The following SCGN variants were observed in gnomAD, a reference collection of about 807,000 sequenced individuals.
SCGN encodes the protein secretagogin.
SCGN carries 30 observed loss-of-function variants against 39.7 expected under a neutral mutation model. That is an observed-to-expected ratio of 0.76 (90% CI 0.57 to 1.03). The LOEUF (loss-of-function observed/expected upper bound fraction) is 1.03. Ranked by LOEUF, SCGN falls within the 50% of genes least tolerant of loss-of-function variation. The pLI is 0.00. For synonymous variants in SCGN, 106 were observed against 114.1 expected (o/e 0.93, Z 0.45); for missense variants, 353 against 349.4 (o/e 1.01, Z -0.08).
At chr6:25,652,513 C>G (rs746789424) in intron 1 of SCGN, 28 bp downstream of exon 1, 2 of 1,602,958 alleles carry the variant, frequency 1.2e-6, no homozygotes, top group South Asian at 1.1e-5. Context: ...CTTGCACACT[C>G]AGGTGTAGAC....
At chr6:25,683,094 G>A (rs1759657873) in intron 7 of SCGN, among the ~76,000 whole-genome samples, 1 of 152,054 alleles carries the variant, frequency 6.6e-6, no homozygotes, top group South Asian at 2.1e-4. Context: ...ACTTTTTTTA[G>A]GACCTTCGTT....
At chr6:25,670,346 AG>A (rs1303734710) in intron 6 of SCGN, among the ~76,000 whole-genome samples, 8 of 152,268 alleles carry the variant, frequency 5.3e-5, no homozygotes, top group African/African-American at 1.9e-4. Flanking sequence ...TCTAAGCATC[AG>A]GCCAATAACC....
intron 10 of SCGN, among the ~76,000 whole-genome samples, chr6:25,693,446 C>A (rs1332076575): frequency 2.3e-5 from 2 of 85,912 alleles, no homozygotes; most frequent in African/African-American, 4.9e-5. Flanking sequence ...AGCGAGACTC[C>A]GTCTCAAAAA....
intron 2 of SCGN, among the ~76,000 whole-genome samples, chr6:25,656,607 C>G (rs942899952): frequency 8.5e-5 from 13 of 152,176 alleles, no homozygotes; most frequent in African/African-American, 2.9e-4. Context: ...TGTACCACAT[C>G]CTGGGCCTCT....
intron 4 of SCGN, among the ~76,000 whole-genome samples, chr6:25,666,809 T>G (rs1180333136): frequency 6.6e-6 from 1 of 152,202 alleles, no homozygotes; most frequent in Non-Finnish European, 1.5e-5. Flanking sequence ...ATTGGTTGTT[T>G]GTAAGTGGTA....
intron 7 of SCGN, among the ~76,000 whole-genome samples, chr6:25,682,743 C>T (rs1487750901): frequency 1.3e-5 from 2 of 152,204 alleles, no homozygotes; most frequent in Non-Finnish European, 2.9e-5. Flanking sequence ...AGCAGGGCAG[C>T]AGTTACAGGC....
At chr6:25,664,199 G>A (rs1218257053) in intron 3 of SCGN, among the ~76,000 whole-genome samples, 3 of 152,204 alleles carry the variant, frequency 2.0e-5, no homozygotes, top group African/African-American at 7.2e-5. Flanking sequence ...TCATACTTGA[G>A]TCAACTGTTG....
At chr6:25,658,002 CCTTTTTTTTTTTTTT>C (rs1760258052) in intron 2 of SCGN, among the ~76,000 whole-genome samples, 3 of 47,646 alleles carry the variant, frequency 6.3e-5, no homozygotes, top group African/African-American at 7.6e-5. Context: ...AGAAAGGTAT[CCTTTTTTTTTTTTTT>C]TTTTTTTTTT....
intron 2 of SCGN, among the ~76,000 whole-genome samples, chr6:25,658,923 T>A (rs185462346): frequency 6.6e-6 from 1 of 152,192 alleles, no homozygotes; most frequent in East Asian, 1.9e-4. Flanking sequence ...TCCCTATATA[T>A]CCAGTATCCA....
chr6:25,657,881 CTCTG>C (rs946793978), intron 2 of SCGN, among the ~76,000 whole-genome samples: 1 of 150,918 alleles, frequency 6.6e-6, no homozygotes, highest in African/African-American at 2.4e-5. Flanking sequence ...GTTAGACTTG[CTCTG>C]TCTTAGACAA....
intron 3 of SCGN, among the ~76,000 whole-genome samples, chr6:25,664,697 A>AT (rs1760397286): frequency 6.6e-6 from 1 of 152,200 alleles, no homozygotes; most frequent in South Asian, 2.1e-4. Flanking sequence ...ATTATTTTAG[A>AT]TTTTAAGCTC....
At chr6:25,667,056 A>G (rs890152968) in intron 4 of SCGN, among the ~76,000 whole-genome samples, 1 of 152,216 alleles carries the variant, frequency 6.6e-6, no homozygotes, top group Non-Finnish European at 1.5e-5. Context: ...TGAAACACAC[A>G]GAAACAATAA....
At position 25,652,467 on chromosome 6, in the gene SCGN, C is replaced by A. The variant is rs1760151981; in HGVS notation, c.64C>A (p.Gln22Lys). 1.2e-6 allele frequency: 2 copies of A among 1,613,896 alleles called. No homozygotes were observed. Among genetic ancestry groups the A allele is most frequent in the African/African-American group, 2.7e-5 (2 of 74,922 alleles). ...LDAAGFWQVWQRFDADEKGYI... is the reference protein window; with the variant it reads ...LDAAGFWQVWKRFDADEKGYI... Reference sequence around the variant, plus strand: ...CGCCGCTGGCTTCTGGCAGGTCTGGCAGCGCTTTGATGCGGATGGTGAGTA... The same window carrying A: ...CGCCGCTGGCTTCTGGCAGGTCTGGAAGCGCTTTGATGCGGATGGTGAGTA... Residue 22 changes from glutamine (Q) to lysine (K), a missense_variant, in exon 1 of 11, where the codon CAG (glutamine) becomes AAG (lysine). Physicochemically the swap from Gln to Lys is moderately conservative, Grantham distance 53 (BLOSUM62 1). Transcript: ENST00000377961.
Position 25,701,097 on chromosome 6 carries a change from C to A in SCGN, c.703-110C>A, listed in dbSNP as rs1026838439. ...GACTCATTCCCTCACTCCCTGTGGC[C>A]TGTCTCCTTCAAGGCAGGACACCCT... On this transcript the variant is annotated intron_variant, in intron 10 of 10. Coordinates refer to ENST00000377961, the MANE Select transcript of SCGN (RefSeq NM_006998.4). 9.7e-6 allele frequency: 12 copies of A among 1,233,638 alleles called. No individual in the cohort carries two copies. In the Middle Eastern group the frequency reaches 8.7e-4, roughly 89 times the overall value. 76.4% of individuals were successfully genotyped at this position (1,233,638 alleles called of 1,614,324 possible). A position where few individuals can be genotyped will look rare whatever the true frequency, so the allele number is the denominator to read the frequency against.
At chr6:25,668,217 GA>G (rs57628790) in intron 4 of SCGN, among the ~76,000 whole-genome samples, 85,516 of 146,686 alleles carry the variant, frequency 0.58, 24,503 homozygotes, top group Middle Eastern at 0.64. Context: ...ATCTGTCAGT[GA>G]AAAAAAAAAA....
rs758009599 is a variant in SCGN, at chr6:25,653,451, A to G, written c.152A>G (p.Asp51Gly). 1 of 1,610,980 alleles carries G rather than the reference A, an allele frequency of 6.2e-7. No individual in the cohort carries two copies. The highest frequency in any genetic ancestry group is 2.2e-5 in the East Asian group (1 of 44,782). Residue 51 changes from aspartate to glycine, a missense_variant and splice_region_variant, in exon 2 of 11, where the codon GAT (aspartate) becomes GGT (glycine). By Grantham distance (94) the Asp-to-Gly change is moderately conservative (BLOSUM62 -1). Coordinates refer to ENST00000377961, the MANE Select transcript of SCGN (RefSeq NM_006998.4). ...FLHMLMKLGT[D>G]DTVMKANLHK... ...CACATGTTGATGAAACTGGGTACTG[A>G]TGTAAGTACTTGCACACTAAGCCTT...
intron 4 of SCGN, among the ~76,000 whole-genome samples, chr6:25,669,286 GA>G (rs1203636997): frequency 6.6e-6 from 1 of 152,084 alleles, no homozygotes; most frequent in Non-Finnish European, 1.5e-5. Context: ...GGCTTTCACT[GA>G]AACCATTGTG....
intron 1 of SCGN, 134 bp from the exon 2 acceptor site, chr6:25,653,247 AC>A (rs1760165288): frequency 3.1e-6 from 2 of 636,792 alleles, no homozygotes. Context: ...AGGTGTTGGC[AC>A]TTTGTTATTG....
chr6:25,692,911 C>T (rs538354679), intron 10 of SCGN, among the ~76,000 whole-genome samples: 14 of 152,064 alleles, frequency 9.2e-5, no homozygotes, highest in Admixed American at 7.2e-4. Flanking sequence ...TAGATGAGGC[C>T]GTGTAAAATG....
Sources: gnomAD v4.1 joint callset for allele counts (sites outside exome capture counted in the v4.1 genomes callset) on GRCh38, gnomAD v4.1.1 for gene constraint, MANE v1.5 for transcripts, NCBI Gene and HGNC (gene_info 2026-07-23, HGNC 2026-07-21) for gene names.